Variants in TEKT5 observed in about 807,000 individuals in gnomAD.
TEKT5 encodes the protein tektin-5.
A neutral mutation model predicts 48.7 loss-of-function variants in TEKT5; 52 were observed. That is an observed-to-expected ratio of 1.07 (90% CI 0.86 to 1.35). The LOEUF (loss-of-function observed/expected upper bound fraction) is 1.35. Ranked by LOEUF, TEKT5 falls within the 40% of genes most tolerant of loss-of-function variation. The pLI is 0.00. For missense variants in TEKT5, 831 were observed against 641.6 expected, an observed-to-expected ratio of 1.30 and a Z score of -3.19; for synonymous variants, 318 against 267.6, an observed-to-expected ratio of 1.19 and a Z score of -1.84.
At chr16:10,660,346 C>A (rs1047417204) in intron 5 of TEKT5, among the ~76,000 whole-genome samples, 1 of 152,118 alleles carries the variant, frequency 6.6e-6, no homozygotes, top group African/African-American at 2.4e-5. Flanking sequence ...CTTTGGCTGA[C>A]CAAAGGGTTT....
chr16:10,684,432 G>A (rs1417988795), intron 3 of TEKT5, among the ~76,000 whole-genome samples: 6 of 150,332 alleles, frequency 4.0e-5, no homozygotes, highest in South Asian at 4.2e-4. Context: ...TGTTGGTTGC[G>A]GGTGAGGGGT....
At chr16:10,694,284 A>G (rs1394131794) in intron 1 of TEKT5, 26 bp downstream of exon 1, 3 of 1,532,418 alleles carry the variant, frequency 2.0e-6, no homozygotes, top group Non-Finnish European at 2.6e-6. Context: ...ACACAGCCAC[A>G]GCCCTGTCCC....
At chr16:10,688,822 A>G (rs1898911634) in intron 3 of TEKT5, among the ~76,000 whole-genome samples, 1 of 152,200 alleles carries the variant, frequency 6.6e-6, no homozygotes, top group Admixed American at 6.5e-5. Flanking sequence ...GGAGGTGCCC[A>G]GCCCCTGGCC....
intron 5 of TEKT5, among the ~76,000 whole-genome samples, chr16:10,660,697 GTGTGTGT>G (rs1898353950): frequency 1.0e-5 from 1 of 98,686 alleles, no homozygotes; most frequent in Non-Finnish European, 2.4e-5. Flanking sequence ...GTGTGTGTGT[GTGTGTGT>G]TATTTATTTA....
chr16:10,638,549 T>G (rs1242176732), intron 5 of TEKT5, among the ~76,000 whole-genome samples: 4 of 152,218 alleles, frequency 2.6e-5, no homozygotes, highest in Non-Finnish European at 1.5e-5. Context: ...GATGTGCCAG[T>G]GCAACTCATG....
rs933294643 is a variant in TEKT5, at chr16:10,694,671, C to T, written c.203G>A (p.Ser68Asn). 2 of 1,613,076 alleles carry T rather than the reference C, an allele frequency of 1.2e-6. No homozygotes were observed. The highest frequency in any genetic ancestry group is 1.7e-6 in the Non-Finnish European group (2 of 1,179,456). Residue 68 changes from serine (S) to asparagine (N), a missense_variant, in exon 1 of 7, where the codon AGC (serine) becomes AAC (asparagine). Coordinates refer to ENST00000283025, the MANE Select transcript of TEKT5 (RefSeq NM_144674.2). ...IANVQTCPDE[S>N]TSTLRPPTIL... ...GGTGGGCGGCCGCAGGGTACTGGTGCTCTCGTCCGGGCAGGTCTGGACGTT... is the reference window on the plus strand; with the variant it reads ...GGTGGGCGGCCGCAGGGTACTGGTGTTCTCGTCCGGGCAGGTCTGGACGTT...
chr16:10,672,736 T>C (rs1898568935), intron 5 of TEKT5, among the ~76,000 whole-genome samples: 1 of 152,158 alleles, frequency 6.6e-6, no homozygotes, highest in African/African-American at 2.4e-5. Context: ...AATCAACTAG[T>C]ACATTAAGAT....
chr16:10,660,718 G>C (rs1242186726), intron 5 of TEKT5, among the ~76,000 whole-genome samples: 1 of 147,746 alleles, frequency 6.8e-6, no homozygotes, highest in Non-Finnish European at 1.5e-5. Context: ...TTATTTATTT[G>C]AAGACAGAGT....
chr16:10,658,724 C>CTTTCT (rs144451263), intron 5 of TEKT5, among the ~76,000 whole-genome samples: 7,465 of 147,240 alleles, frequency 0.051, 632 homozygotes, highest in African/African-American at 0.17. Context: ...ATTTCTTTTT[C>CTTTCT]TTTTTTTTTT....
chr16:10,681,709 T>C (rs892914433), intron 4 of TEKT5, among the ~76,000 whole-genome samples: 65 of 151,844 alleles, frequency 4.3e-4, no homozygotes, highest in African/African-American at 1.5e-3. Flanking sequence ...GGGGCAAGGA[T>C]GGAAAGATGA....
At chr16:10,675,307 C>T (rs146006404) in intron 5 of TEKT5, among the ~76,000 whole-genome samples, 4 of 152,240 alleles carry the variant, frequency 2.6e-5, no homozygotes, top group Non-Finnish European at 4.4e-5. Context: ...TAGTGCCTAG[C>T]GCAGCATCTG....
At position 10,658,062 on chromosome 16, in the gene TEKT5, T is replaced by C. The variant is rs150560325; in HGVS notation, c.1086+17897A>G. ...ACTCACCCACAAAAGAAACTTTGTATCCCCTGTCTTTGAATGTGATTATTG... is the reference window on the plus strand; with the variant it reads ...ACTCACCCACAAAAGAAACTTTGTACCCCCTGTCTTTGAATGTGATTATTG... On this transcript the variant is annotated intron_variant, in intron 5 of 6. Transcript: ENST00000283025. Among the ~76,000 whole-genome samples the C allele has an allele frequency of 2.5e-3, 375 of 152,326 alleles. 1 individual carries two copies. The highest frequency in any genetic ancestry group is 8.7e-3 in the African/African-American group (360 of 41,562).
At chr16:10,663,567 AAG>A (rs371785987) in intron 5 of TEKT5, among the ~76,000 whole-genome samples, 66 of 152,250 alleles carry the variant, frequency 4.3e-4, no homozygotes, top group African/African-American at 1.5e-3. Context: ...GAGAGAGAGA[AAG>A]AGGAGAGGAG....
chr16:10,684,897 C>T (rs886979919), intron 3 of TEKT5, among the ~76,000 whole-genome samples: 5 of 152,208 alleles, frequency 3.3e-5, no homozygotes, highest in African/African-American at 9.7e-5. Flanking sequence ...TGCCCAGATG[C>T]GGGCCTCAGG....
At chr16:10,689,196 T>G in intron 3 of TEKT5, 57 bp downstream of exon 3, 19 of 1,458,010 alleles carry the variant, frequency 1.3e-5, no homozygotes, top group Admixed American at 6.2e-5. Context: ...CCCAGAAATC[T>G]GAGAGTCCTA....
At chr16:10,648,195 A>G (rs1470083994) in intron 5 of TEKT5, among the ~76,000 whole-genome samples, 2 of 152,226 alleles carry the variant, frequency 1.3e-5, no homozygotes, top group Non-Finnish European at 2.9e-5. Context: ...ACACACAACC[A>G]TTTATCAAGA....
Position 10,687,819 on chromosome 16 carries a change from T to C in TEKT5, c.719+1434A>G, listed in dbSNP as rs752672922. The stretch of plus-strand genomic sequence containing the variant: ...TTTATTTACTGAATTGATTTTTATT[T>C]ATTTTATTTTATTTTTTAAGCCTTT... On this transcript the variant is annotated intron_variant, in intron 3 of 6. Coordinates refer to ENST00000283025, the MANE Select transcript of TEKT5 (RefSeq NM_144674.2). 3.6e-4 allele frequency among the ~76,000 whole-genome samples: 55 copies of C among 152,344 alleles called. No homozygotes were observed. In the Middle Eastern group the frequency reaches 0.014, roughly 38 times the overall value.
chr16:10,631,768 G>A (rs983113117), intron 6 of TEKT5, among the ~76,000 whole-genome samples: 21 of 152,232 alleles, frequency 1.4e-4, no homozygotes, highest in African/African-American at 3.9e-4. Context: ...GCTGAGGGAC[G>A]CCAAGGATTG....
chr16:10,650,045 C>A (rs114573096), intron 5 of TEKT5, among the ~76,000 whole-genome samples: 5 of 152,018 alleles, frequency 3.3e-5, no homozygotes, highest in African/African-American at 1.2e-4. Context: ...TCCCACTCCC[C>A]CTGCCATTTC....
Sources: allele counts gnomAD v4.1 joint callset (sites outside exome capture counted in the v4.1 genomes callset), GRCh38; gene constraint gnomAD v4.1.1; transcripts MANE v1.5; gene names NCBI Gene and HGNC (gene_info 2026-07-23, HGNC 2026-07-21).